Variants in CYP7B1 observed in about 807,000 individuals in gnomAD.
The protein encoded by CYP7B1 is cytochrome P450 family 7 subfamily B member 1.
CYP7B1 carries 29 observed loss-of-function variants against 42.7 expected under a neutral mutation model. That is an observed-to-expected ratio of 0.68 (90% CI 0.51 to 0.93). The LOEUF (loss-of-function observed/expected upper bound fraction) is 0.93, where lower values mean the gene tolerates loss of function less well. Ranked by LOEUF, CYP7B1 falls within the 40% of genes least tolerant of loss-of-function variation. CYP7B1 has a pLI of 0.00. For missense variants in CYP7B1, 655 were observed against 600.5 expected, an observed-to-expected ratio of 1.09 and a Z score of -0.95; for synonymous variants, 235 against 218.2, an observed-to-expected ratio of 1.08 and a Z score of -0.68.
At chr8:64,606,302 G>C (rs112934290) in intron 4 of CYP7B1, among the ~76,000 whole-genome samples, 1 of 152,226 alleles carries the variant, frequency 6.6e-6, no homozygotes, top group African/African-American at 2.4e-5. Flanking sequence ...GATTTCAGCT[G>C]GCAGAACACC....
At position 64,595,090 on chromosome 8, in the gene CYP7B1, C is replaced by G. The variant is rs532728374; in HGVS notation, c.*1552G>C. 1.3e-5 allele frequency among the ~76,000 whole-genome samples: 2 copies of G among 152,158 alleles called. No homozygotes were observed. The highest frequency in any genetic ancestry group is 2.4e-5 in the African/African-American group (1 of 41,438). On this transcript the variant is annotated 3_prime_UTR_variant, in exon 6 of 6. Transcript: ENST00000310193. The stretch of plus-strand genomic sequence containing the variant: ...ATAACAACAATGGATACCTTAAGAA[C>G]GGGCAATATCTTCAAAGTGCTGTGA...
Position 64,616,081 on chromosome 8 carries a change from A to G in CYP7B1, c.460T>C (p.Leu154=). Reference sequence around the variant, plus strand: ...TTTAGATTCTGCATCATGCTTTCCAAGAGTATGTCCAAAGATTTGCCTTGC... The same window carrying G: ...TTTAGATTCTGCATCATGCTTTCCAGGAGTATGTCCAAAGATTTGCCTTGC... ...FLQGKSLDIL[L]ESMMQNLKQV... is the part of the protein sequence containing the mutation. Residue 154 remains leucine (L), a synonymous_variant, in exon 3 of 6, where the codon TTG becomes CTG. Coordinates refer to ENST00000310193, the MANE Select transcript of CYP7B1 (RefSeq NM_004820.5). 2.5e-6 allele frequency: 4 copies of G among 1,613,806 alleles called. No individual in the cohort carries two copies. Among genetic ancestry groups the G allele is most frequent in the East Asian group, 2.2e-5 (1 of 44,856 alleles).
In CYP7B1 at chr8:64,624,422, A is replaced by T. The variant is rs1206584060; in HGVS notation, c.240T>A (p.Thr80=). The T allele has an allele frequency of 1.9e-6, 3 of 1,613,956 alleles. No individual in the cohort carries two copies. ...TCTTACCACCAAGAAGAACTGTGAAAGTGTCACCATGTTGCTTTTGAAGTG... is the reference window on the plus strand; with the variant it reads ...TCTTACCACCAAGAAGAACTGTGAATGTGTCACCATGTTGCTTTTGAAGTG... ...MKTLQKQHGD[T]FTVLLGGKYI... is the part of the protein sequence containing the mutation. Residue 80 remains threonine (T), a synonymous_variant, in exon 2 of 6, where the codon ACT becomes ACA. Transcript: ENST00000310193.
chr8:64,647,548 C>T (rs930691785), intron 1 of CYP7B1, among the ~76,000 whole-genome samples: 1 of 152,168 alleles, frequency 6.6e-6, no homozygotes, highest in African/African-American at 2.4e-5. Flanking sequence ...TCATGATCTG[C>T]TTTTGGCAAG....
At chr8:64,705,265 A>C (rs1806978343) in intron 1 of CYP7B1, among the ~76,000 whole-genome samples, 1 of 151,974 alleles carries the variant, frequency 6.6e-6, no homozygotes, top group South Asian at 2.1e-4. Flanking sequence ...TAATTTTCTC[A>C]AATATCCCCA....
intron 1 of CYP7B1, among the ~76,000 whole-genome samples, chr8:64,792,775 G>T (rs1215094714): frequency 1.3e-5 from 2 of 152,132 alleles, no homozygotes; most frequent in African/African-American, 2.4e-5. Context: ...ATGAGATCTG[G>T]AACTCTTAAA....
rs962712056 is a variant in CYP7B1, at chr8:64,747,757, T to C, written c.122+50709A>G. 7.9e-5 allele frequency among the ~76,000 whole-genome samples: 12 copies of C among 152,110 alleles called. 1 individual carries two copies. Among genetic ancestry groups the C allele is most frequent in the East Asian group, 1.9e-4 (1 of 5,202 alleles). On this transcript the variant is annotated intron_variant, in intron 1 of 5. Transcript: ENST00000310193. ...AATGGGGATAATTTTATGTATTTCA[T>C]TGGGCTCTTGGCTGGAATAAATTAG...
chr8:64,651,433 G>A (rs536346456), intron 1 of CYP7B1, among the ~76,000 whole-genome samples: 7 of 152,316 alleles, frequency 4.6e-5, no homozygotes, highest in East Asian at 1.9e-4. Context: ...GGTTAAGGAC[G>A]TAGCGTCTGG....
At position 64,596,519 on chromosome 8, in the gene CYP7B1, A is replaced by C; in HGVS notation, c.*123T>G. On this transcript the variant is annotated 3_prime_UTR_variant, in exon 6 of 6. Coordinates refer to ENST00000310193, the MANE Select transcript of CYP7B1 (RefSeq NM_004820.5). ...GACAAACTGGACTGATATCAGATCAAATAGAAATTAGCGCTTTTTAAACAA... is the reference window on the plus strand; with the variant it reads ...GACAAACTGGACTGATATCAGATCACATAGAAATTAGCGCTTTTTAAACAA... The C allele has an allele frequency of 2.0e-6, 2 of 1,018,806 alleles. No homozygotes were observed. The highest frequency in any genetic ancestry group is 2.8e-6 in the Non-Finnish European group (2 of 701,856). The allele number at this position is 1,018,806 out of a possible 1,614,324, so 63.1% of individuals were successfully genotyped here.
intron 5 of CYP7B1, among the ~76,000 whole-genome samples, chr8:64,598,407 T>G (rs1805149574): frequency 6.6e-6 from 1 of 152,178 alleles, no homozygotes. Context: ...CTGAGCTTAG[T>G]CCTGCTGCTT....
chr8:64,651,259 G>C (rs1045953949), intron 1 of CYP7B1, among the ~76,000 whole-genome samples: 1 of 151,906 alleles, frequency 6.6e-6, no homozygotes, highest in African/African-American at 2.4e-5. Context: ...CCACTCCCAA[G>C]ACTACACTGC....
chr8:64,627,614 C>A (rs531792891), intron 1 of CYP7B1, among the ~76,000 whole-genome samples: 4 of 152,196 alleles, frequency 2.6e-5, no homozygotes, highest in African/African-American at 9.6e-5. Flanking sequence ...GGGTTTCCGC[C>A]AGGGGAAAGG....
At chr8:64,616,391 T>C in intron 2 of CYP7B1, 110 bp from the exon 3 acceptor site, 2 of 747,046 alleles carry the variant, frequency 2.7e-6, no homozygotes, top group Non-Finnish European at 2.2e-6. Flanking sequence ...CCCTAATAAC[T>C]AAGGCAAAAA....
chr8:64,606,251 T>C (rs754072019), intron 4 of CYP7B1, among the ~76,000 whole-genome samples: 5 of 152,176 alleles, frequency 3.3e-5, no homozygotes, highest in Non-Finnish European at 5.9e-5. Flanking sequence ...TTTTGGAACA[T>C]GGGCTCTACT....
rs1465308776 is a variant in CYP7B1 at position 64,615,907 on chromosome 8, GCTCA to G, written c.630_633del (p.Glu211Ter). On this transcript the variant is annotated frameshift_variant, in exon 3 of 6. Transcript: ENST00000310193. LOFTEE classifies it high-confidence loss of function. ...TCAAATTTTAAAAAATCATCTCTTA[GCTCA>G]CTAATAAATTTGTTGTTGTCACAAA... 6.2e-7 allele frequency: 1 copy of G among 1,613,352 alleles called. No individual in the cohort carries two copies. Among genetic ancestry groups the G allele is most frequent in the Non-Finnish European group, 8.5e-7 (1 of 1,179,740 alleles).
chr8:64,643,804 G>A (rs1805904566), intron 1 of CYP7B1, among the ~76,000 whole-genome samples: 1 of 152,094 alleles, frequency 6.6e-6, no homozygotes, highest in South Asian at 2.1e-4. Context: ...TCCATCCCAA[G>A]AAACCACTCT....
chr8:64,624,618 T>C, intron 1 of CYP7B1, 79 bp from the exon 2 acceptor site: 1 of 1,536,576 alleles, frequency 6.5e-7, no homozygotes, highest in Admixed American at 1.7e-5. Flanking sequence ...GTTTATTTAC[T>C]GAATCTAGAA....
intron 1 of CYP7B1, among the ~76,000 whole-genome samples, chr8:64,635,675 T>A (rs1805759123): frequency 6.6e-6 from 1 of 152,206 alleles, no homozygotes; most frequent in Non-Finnish European, 1.5e-5. Context: ...TGCTGAATAG[T>A]CACATATTTC....
At chr8:64,767,406 G>A (rs1442915524) in intron 1 of CYP7B1, among the ~76,000 whole-genome samples, 1 of 152,206 alleles carries the variant, frequency 6.6e-6, no homozygotes, top group Admixed American at 6.5e-5. Context: ...CATTAGAAAT[G>A]CTTATAGAAG....
Sources: allele counts gnomAD v4.1 joint callset (sites outside exome capture counted in the v4.1 genomes callset), GRCh38; gene constraint gnomAD v4.1.1; transcripts MANE v1.5; gene names NCBI Gene and HGNC (gene_info 2026-07-23, HGNC 2026-07-21).